The following CMIP variants were observed in gnomAD, a reference collection of about 807,000 sequenced individuals.
The protein encoded by CMIP is c-Maf inducing protein, also known as C-Maf-inducing protein.
Under a neutral mutation model 97.3 loss-of-function variants are expected in CMIP, and 13 were observed. The ratio of observed to expected loss-of-function variants is 0.13; its 90% CI spans 0.09 to 0.21. The LOEUF (loss-of-function observed/expected upper bound fraction) is 0.21. CMIP is among the 10% of genes least tolerant of loss of function. The pLI, the probability that CMIP is intolerant of heterozygous loss-of-function variation, is 1.00. For synonymous variants in CMIP, 538 were observed against 436.3 expected, an observed-to-expected ratio of 1.23 and a Z score of -2.91; for missense variants, 847 against 1,024.9, an observed-to-expected ratio of 0.83 and a Z score of 2.37.
At chr16:81,620,826 A>T (rs763369807) in intron 2 of CMIP, 50 bp from the exon 3 acceptor site, 1 of 1,610,650 alleles carries the variant, frequency 6.2e-7, no homozygotes, top group South Asian at 1.1e-5. Flanking sequence ...ATGCCCTGAG[A>T]TGCCGCAAGC....
At chr16:81,705,149 C>T (rs1044588194) in intron 18 of CMIP, among the ~76,000 whole-genome samples, 7 of 152,318 alleles carry the variant, frequency 4.6e-5, no homozygotes, top group Admixed American at 1.3e-4. Context: ...AGCCTGCCCC[C>T]GGCCCAGCCC....
At chr16:81,667,027 C>T (rs940514436) in intron 7 of CMIP, 3 of 151,838 alleles carry the variant, frequency 2.0e-5, no homozygotes, top group African/African-American at 7.3e-5. Context: ...AGCCATGAGC[C>T]TGTTGGGGTG....
At chr16:81,650,181 G>A (rs541102225) in intron 3 of CMIP, among the ~76,000 whole-genome samples, 7 of 152,288 alleles carry the variant, frequency 4.6e-5, no homozygotes, top group South Asian at 2.1e-4. Context: ...CTTGTCACGC[G>A]TTTCTTCCTG....
chr16:81,455,418 C>T (rs1394059089), intron 1 of CMIP, among the ~76,000 whole-genome samples: 4 of 152,240 alleles, frequency 2.6e-5, no homozygotes, highest in African/African-American at 9.6e-5. Context: ...AACAGCTTGC[C>T]TAGTTGGGAG....
At chr16:81,615,405 GGT>G (rs201365765) in intron 2 of CMIP, among the ~76,000 whole-genome samples, 42 of 143,994 alleles carry the variant, frequency 2.9e-4, no homozygotes, top group African/African-American at 6.7e-4. Context: ...TGTGGTGTAT[GGT>G]GTGTGTGTGT....
intron 1 of CMIP, among the ~76,000 whole-genome samples, chr16:81,490,118 C>T: frequency 6.6e-6 from 1 of 152,178 alleles, no homozygotes; most frequent in East Asian, 1.9e-4. Flanking sequence ...CCTGACATCC[C>T]TCAGGGGCTG....
chr16:81,543,029 G>A (rs1377447055), intron 1 of CMIP, among the ~76,000 whole-genome samples: 2 of 152,226 alleles, frequency 1.3e-5, no homozygotes, highest in Non-Finnish European at 2.9e-5. Context: ...TTGGGAGCCA[G>A]TCCGTTCCAC....
chr16:81,486,772 A>G (rs1231272958), intron 1 of CMIP, among the ~76,000 whole-genome samples: 1 of 152,274 alleles, frequency 6.6e-6, no homozygotes, highest in Non-Finnish European at 1.5e-5. Context: ...TGTCCTGGCC[A>G]AAGCCAGCTT....
At chr16:81,642,895 C>T (rs1003506984) in intron 3 of CMIP, among the ~76,000 whole-genome samples, 3 of 149,292 alleles carry the variant, frequency 2.0e-5, no homozygotes, top group South Asian at 2.1e-4. Flanking sequence ...GACTCCATCT[C>T]GCAAAAAAAA....
intron 1 of CMIP, among the ~76,000 whole-genome samples, chr16:81,515,527 GC>G (rs1567553629): frequency 1.3e-5 from 2 of 152,170 alleles, no homozygotes; most frequent in African/African-American, 4.8e-5. Context: ...CAGGGCCAGG[GC>G]TGGGGATAAT....
chr16:81,598,488 C>CAA (rs1567602142), intron 1 of CMIP, among the ~76,000 whole-genome samples: 2 of 152,190 alleles, frequency 1.3e-5, no homozygotes, highest in Admixed American at 1.3e-4. Context: ...TAGGGCAGTG[C>CAA]CAGTATCAAC....
chr16:81,660,971 G>A (rs964286684), intron 6 of CMIP, 25 bp downstream of exon 6: 10 of 1,613,776 alleles, frequency 6.2e-6, no homozygotes, highest in Non-Finnish European at 8.5e-6. Flanking sequence ...AGCTGGGGCT[G>A]TGGCTGCAGG....
At chr16:81,639,672 G>A (rs1026553174) in intron 3 of CMIP, among the ~76,000 whole-genome samples, 2 of 152,194 alleles carry the variant, frequency 1.3e-5, no homozygotes, top group East Asian at 1.9e-4. Context: ...GGTTGCTTCT[G>A]CCTTTTGGCT....
chr16:81,563,848 C>G (rs1454666375), intron 1 of CMIP, among the ~76,000 whole-genome samples: 2 of 152,222 alleles, frequency 1.3e-5, no homozygotes, highest in Admixed American at 1.3e-4. Context: ...CTGTCGGGGC[C>G]ATTAATGGCA....
At chr16:81,588,955 G>C (rs1322964096) in intron 1 of CMIP, among the ~76,000 whole-genome samples, 2 of 152,120 alleles carry the variant, frequency 1.3e-5, no homozygotes, top group Non-Finnish European at 2.9e-5. Flanking sequence ...AAGAGGCAGA[G>C]CTGAGATATA....
At chr16:81,447,050 C>T (rs968864304) in intron 1 of CMIP, among the ~76,000 whole-genome samples, 2 of 152,166 alleles carry the variant, frequency 1.3e-5, no homozygotes, top group Admixed American at 6.5e-5. Flanking sequence ...AAGCCCGTCC[C>T]GCGCCACAGG....
Position 81,709,875 on chromosome 16 carries a change from G to A in CMIP, c.*76G>A. 1 of 1,511,406 alleles carries A rather than the reference G, an allele frequency of 6.6e-7. No individual in the cohort carries two copies. The highest frequency in any genetic ancestry group is 1.2e-5 in the South Asian group (1 of 85,730). 93.6% of individuals were successfully genotyped at this position (1,511,406 alleles called of 1,614,324 possible). A position where few individuals can be genotyped will look rare whatever the true frequency, so the allele number is the denominator to read the frequency against. ...TTGACTAACAGCCGCAGAGCAGCCG[G>A]TCCTGGGGTCCCACCCTGGTGCCCT... On this transcript the variant is annotated 3_prime_UTR_variant, in exon 21 of 21. Transcript: ENST00000537098.
At chr16:81,653,499 C>T (rs1281729488) in intron 4 of CMIP, among the ~76,000 whole-genome samples, 3 of 152,246 alleles carry the variant, frequency 2.0e-5, no homozygotes, top group Non-Finnish European at 1.5e-5. Flanking sequence ...AGACCAGCAT[C>T]GTTCCAAGAG....
At chr16:81,587,641 C>T (rs895894825) in intron 1 of CMIP, among the ~76,000 whole-genome samples, 5 of 152,208 alleles carry the variant, frequency 3.3e-5, no homozygotes, top group African/African-American at 1.2e-4. Flanking sequence ...TGAGCTACAG[C>T]GCTGGAGTGG....
Sources: gnomAD v4.1 joint callset for allele counts (sites outside exome capture counted in the v4.1 genomes callset) on GRCh38, gnomAD v4.1.1 for gene constraint, MANE v1.5 for transcripts, NCBI Gene and HGNC (gene_info 2026-07-23, HGNC 2026-07-21) for gene names.